CPA6: variants seen among roughly 807,000 people sequenced by gnomAD.
CPA6 encodes the protein carboxypeptidase A6.
Under a neutral mutation model 63.3 loss-of-function variants are expected in CPA6, and 58 were observed. The ratio of observed to expected loss-of-function variants is 0.92; its 90% confidence interval spans 0.74 to 1.14. The LOEUF (loss-of-function observed/expected upper bound fraction) is 1.14, where lower values mean the gene tolerates loss of function less well. Among genes scored for constraint, CPA6 ranks in the 50% most tolerant of loss-of-function variants. The probability of loss-of-function intolerance (pLI) is 0.00; values close to 1 mark genes in which losing one functional copy is unlikely to be tolerated. For synonymous variants in CPA6, 185 were observed against 179.0 expected (o/e 1.03, Z -0.27); for missense variants, 565 against 526.6 (o/e 1.07, Z -0.71).
chr8:67,436,009 G>A (rs1587422122), intron 8 of CPA6, among the ~76,000 whole-genome samples: 1 of 151,236 alleles, frequency 6.6e-6, no homozygotes, highest in Non-Finnish European at 1.5e-5. Flanking sequence ...CGTAAGGTGG[G>A]GGGAAATGCC....
At chr8:67,714,478 C>T (rs1426835728) in intron 1 of CPA6, among the ~76,000 whole-genome samples, 1 of 152,172 alleles carries the variant, frequency 6.6e-6, no homozygotes, top group Non-Finnish European at 1.5e-5. Context: ...GGAGCCCGAG[C>T]ACTCCTCAGG....
At chr8:67,660,691 A>C (rs753185454) in intron 1 of CPA6, among the ~76,000 whole-genome samples, 133 of 151,834 alleles carry the variant, frequency 8.8e-4, no homozygotes, top group Non-Finnish European at 1.5e-3. Context: ...CCTTCCCCTA[A>C]TCCTGTTTGC....
intron 1 of CPA6, among the ~76,000 whole-genome samples, chr8:67,686,360 T>C (rs1816708734): frequency 1.3e-5 from 2 of 152,228 alleles, no homozygotes; most frequent in African/African-American, 4.8e-5. Flanking sequence ...TGGGCTGCTG[T>C]TGCCCATCTG....
chr8:67,673,272 T>C (rs1816388422), intron 1 of CPA6, among the ~76,000 whole-genome samples: 1 of 152,084 alleles, frequency 6.6e-6, no homozygotes, highest in Non-Finnish European at 1.5e-5. Context: ...CATTGGATAC[T>C]ATGATATACA....
chr8:67,632,145 A>G (rs1452219852), intron 1 of CPA6, among the ~76,000 whole-genome samples: 2 of 107,056 alleles, frequency 1.9e-5, no homozygotes, highest in African/African-American at 8.9e-5. Flanking sequence ...TTAAAAAATG[A>G]TGCTGTGTGT....
chr8:67,623,886 C>T (rs139908088), intron 2 of CPA6, among the ~76,000 whole-genome samples: 8 of 152,056 alleles, frequency 5.3e-5, no homozygotes, highest in Non-Finnish European at 8.8e-5. Flanking sequence ...AGTGAAACCC[C>T]GTCTCTACTA....
chr8:67,654,136 C>T (rs1205609418), intron 1 of CPA6, among the ~76,000 whole-genome samples: 2 of 152,146 alleles, frequency 1.3e-5, no homozygotes, highest in Non-Finnish European at 2.9e-5. Flanking sequence ...CTGCTGGATT[C>T]CATTTGCCAG....
chr8:67,437,046 C>T (rs1810175994), intron 8 of CPA6, among the ~76,000 whole-genome samples: 1 of 152,132 alleles, frequency 6.6e-6, no homozygotes, highest in Non-Finnish European at 1.5e-5. Context: ...TGAATCTCAT[C>T]CTGGAGATGC....
At chr8:67,659,823 T>G (rs946605519) in intron 1 of CPA6, among the ~76,000 whole-genome samples, 2 of 152,342 alleles carry the variant, frequency 1.3e-5, no homozygotes, top group Non-Finnish European at 2.9e-5. Context: ...ATAAATCACA[T>G]GTTGTTATCA....
At chr8:67,710,421 A>ACG (rs1817235629) in intron 1 of CPA6, among the ~76,000 whole-genome samples, 208 of 14,416 alleles carry the variant, frequency 0.014, no homozygotes, top group South Asian at 0.072. Flanking sequence ...CCAACCCCCC[A>ACG]CCCCGAAAGA....
intron 8 of CPA6, among the ~76,000 whole-genome samples, chr8:67,476,047 C>A (rs935199327): frequency 6.7e-6 from 1 of 149,666 alleles, no homozygotes; most frequent in African/African-American, 2.5e-5. Flanking sequence ...CAGAGTCTTG[C>A]TCTGTTGCTG....
At chr8:67,664,856 C>T (rs1313507653) in intron 1 of CPA6, among the ~76,000 whole-genome samples, 3 of 152,116 alleles carry the variant, frequency 2.0e-5, no homozygotes, top group South Asian at 2.1e-4. Flanking sequence ...CTTGGGCAAT[C>T]GTGTATCATG....
At chr8:67,583,517 C>G (rs1813832291) in intron 2 of CPA6, among the ~76,000 whole-genome samples, 1 of 151,908 alleles carries the variant, frequency 6.6e-6, no homozygotes, top group Non-Finnish European at 1.5e-5. Context: ...TGAATAAAAT[C>G]CTAGTATGTT....
At chr8:67,500,509 T>C (rs1038999911) in intron 6 of CPA6, among the ~76,000 whole-genome samples, 3 of 152,154 alleles carry the variant, frequency 2.0e-5, no homozygotes, top group African/African-American at 7.2e-5. Context: ...CAGTTTTTCA[T>C]AGGCAAAAGT....
rs969010459 is a variant in CPA6 at position 67,422,298 on chromosome 8, G to A, written c.*206C>T. 1.2e-5 allele frequency: 5 copies of A among 431,570 alleles called. No individual in the cohort carries two copies. The highest frequency in any genetic ancestry group is 5.9e-5 in the African/African-American group (3 of 50,722). 26.7% of individuals were successfully genotyped at this position (431,570 alleles called of 1,614,324 possible). A position where few individuals can be genotyped will look rare whatever the true frequency, so the allele number is the denominator to read the frequency against. ...ATAAGACTCTAAAAGGATAGAAAAT[G>A]GATGCTTTTTCTTATAACAAACTAG... is the stretch of plus-strand genomic sequence containing the variant. On this transcript the variant is annotated 3_prime_UTR_variant, in exon 11 of 11. Coordinates refer to ENST00000297770, the MANE Select transcript of CPA6 (RefSeq NM_020361.5).
At chr8:67,450,840 G>T (rs1810541940) in intron 8 of CPA6, among the ~76,000 whole-genome samples, 1 of 152,180 alleles carries the variant, frequency 6.6e-6, no homozygotes, top group African/African-American at 2.4e-5. Context: ...AGCTCAGGTG[G>T]TGCGGTACAG....
chr8:67,646,186 A>G (rs1815709952), intron 1 of CPA6, among the ~76,000 whole-genome samples: 1 of 152,224 alleles, frequency 6.6e-6, no homozygotes, highest in Non-Finnish European at 1.5e-5. Context: ...ATAAAAAGAC[A>G]AAAAGGCAGG....
intron 1 of CPA6, among the ~76,000 whole-genome samples, chr8:67,629,861 C>G (rs1255615870): frequency 6.6e-6 from 1 of 152,044 alleles, no homozygotes; most frequent in Admixed American, 6.5e-5. Flanking sequence ...AATCCCAGTA[C>G]TTTGGGAGGC....
chr8:67,508,386 T>G (rs891471670), intron 5 of CPA6, among the ~76,000 whole-genome samples: 4 of 152,040 alleles, frequency 2.6e-5, no homozygotes, highest in African/African-American at 9.7e-5. Flanking sequence ...TTTCTGAATA[T>G]CCAGGGAAGA....
Sources: gnomAD v4.1 joint callset for allele counts (sites outside exome capture counted in the v4.1 genomes callset) on GRCh38, gnomAD v4.1.1 for gene constraint, MANE v1.5 for transcripts, NCBI Gene and HGNC (gene_info 2026-07-23, HGNC 2026-07-21) for gene names.